The following FAM151B variants were observed in gnomAD, a reference collection of about 807,000 sequenced individuals.
FAM151B encodes the protein protein FAM151B.
Under a neutral mutation model 31.2 loss-of-function variants are expected in FAM151B, and 24 were observed. The ratio of observed to expected loss-of-function variants is 0.77; its 90% confidence interval spans 0.56 to 1.08. The LOEUF (loss-of-function observed/expected upper bound fraction) is 1.08. Ranked by LOEUF, FAM151B falls within the 50% of genes least tolerant of loss-of-function variation. The probability of loss-of-function intolerance (pLI) is 0.00; values close to 1 mark genes in which losing one functional copy is unlikely to be tolerated. For missense variants in FAM151B, 293 were observed against 328.6 expected, an observed-to-expected ratio of 0.89 and a Z score of 0.84; for synonymous variants, 105 against 111.4, an observed-to-expected ratio of 0.94 and a Z score of 0.36.
chr5:80,506,055 C>T, intron 2 of FAM151B: 1 of 986,178 alleles, frequency 1.0e-6, no homozygotes, highest in Non-Finnish European at 1.2e-6. Context: ...CACGCCCGGC[C>T]AAGAACTTTA....
rs1290141913 is a variant in FAM151B, at chr5:80,541,857, G to C, written c.*25G>C. 1 of 1,600,624 alleles carries C rather than the reference G, an allele frequency of 6.2e-7. No homozygotes were observed. The highest frequency in any genetic ancestry group is 1.1e-5 in the South Asian group (1 of 88,844). On this transcript the variant is annotated 3_prime_UTR_variant, in exon 6 of 6. Coordinates refer to ENST00000282226, the MANE Select transcript of FAM151B (RefSeq NM_205548.3). ...AGAAGAAGATTCTCAATTATTTCCT[G>C]TGTTTTGGTTTCATAATCCTTCTCT...
chr5:80,505,491 T>C (rs248997), intron 2 of FAM151B, among the ~76,000 whole-genome samples: 56,060 of 150,528 alleles, frequency 0.37, 11,108 homozygotes, highest in African/African-American at 0.52. Flanking sequence ...GCCTCCTGGG[T>C]TCACACCATT....
chr5:80,494,456 T>A (rs1416368729), intron 1 of FAM151B, among the ~76,000 whole-genome samples: 1 of 82,688 alleles, frequency 1.2e-5, no homozygotes, highest in African/African-American at 4.4e-5. Flanking sequence ...TCTTTCTTTC[T>A]TTTCTTTCTT....
At chr5:80,514,251 A>T (rs1422290954) in intron 3 of FAM151B, among the ~76,000 whole-genome samples, 1 of 151,914 alleles carries the variant, frequency 6.6e-6, no homozygotes, top group Non-Finnish European at 1.5e-5. Flanking sequence ...GAGGTGGGCG[A>T]ATCAACCGAG....
At chr5:80,527,341 T>G (rs968448292) in intron 5 of FAM151B, among the ~76,000 whole-genome samples, 1 of 152,062 alleles carries the variant, frequency 6.6e-6, no homozygotes, top group African/African-American at 2.4e-5. Context: ...GAGAATTGCT[T>G]GAACCTGGAA....
At chr5:80,531,891 A>G (rs1273771207) in intron 5 of FAM151B, among the ~76,000 whole-genome samples, 1 of 152,228 alleles carries the variant, frequency 6.6e-6, no homozygotes, top group African/African-American at 2.4e-5. Context: ...TACTGGGTAT[A>G]TACCCAAAGG....
At chr5:80,532,740 A>G (rs1222440614) in intron 5 of FAM151B, among the ~76,000 whole-genome samples, 1 of 152,216 alleles carries the variant, frequency 6.6e-6, no homozygotes, top group African/African-American at 2.4e-5. Flanking sequence ...AGGGTAGACC[A>G]TATATTAGAT....
chr5:80,535,562 G>A lies in FAM151B; in HGVS notation c.672-6111G>A, dbSNP rs184029949. 5.3e-5 allele frequency among the ~76,000 whole-genome samples: 8 copies of A among 152,246 alleles called. No homozygotes were observed. The East Asian group carries it at 1.3e-3, about 26-fold the overall frequency. ...TATGCAGAAGAATGAAATTAGACCCGTCTCTTACTGTATACCAAAATGAAA... is the reference window on the plus strand; with the variant it reads ...TATGCAGAAGAATGAAATTAGACCCATCTCTTACTGTATACCAAAATGAAA... On this transcript the variant is annotated intron_variant, in intron 5 of 5. Transcript: ENST00000282226.
intron 1 of FAM151B, among the ~76,000 whole-genome samples, chr5:80,491,665 A>G (rs138288322): frequency 2.6e-5 from 4 of 152,084 alleles, no homozygotes; most frequent in East Asian, 1.9e-4. Flanking sequence ...GGTAACCACT[A>G]TTCTGCTTTC....
chr5:80,507,578 G>A lies in FAM151B; in HGVS notation c.151+5661G>A, dbSNP rs577271640. 7.9e-5 allele frequency among the ~76,000 whole-genome samples: 12 copies of A among 152,262 alleles called. 1 individual carries two copies. The East Asian group carries it at 9.7e-4, about 12-fold the overall frequency. On this transcript the variant is annotated intron_variant, in intron 2 of 5. Coordinates refer to ENST00000282226, the MANE Select transcript of FAM151B (RefSeq NM_205548.3). ...TGCCTGTAATCCCAGCTACTTGGGA[G>A]GCTCAGGCAGGAGAATTGCTTGAAC...
intron 1 of FAM151B, among the ~76,000 whole-genome samples, chr5:80,490,595 G>T (rs1203425349): frequency 3.9e-5 from 6 of 151,998 alleles, no homozygotes; most frequent in Middle Eastern, 3.2e-3. Flanking sequence ...ATCCACAACT[G>T]CTATTCTTCT....
Position 80,522,110 on chromosome 5 carries a change from T to C in FAM151B, c.643T>C (p.Leu215=). 5 of 1,612,936 alleles carry C rather than the reference T, an allele frequency of 3.1e-6. No individual in the cohort carries two copies. The highest frequency in any genetic ancestry group is 4.2e-6 in the Non-Finnish European group (5 of 1,179,096). ...ATTAGTCAGGCAGTCTTGTTCTCAG[T>C]TACTTTGGCTGTTAAAGAAATCAAA... The part of the protein sequence containing the change: ...AALVRQSCSQ[L]LWLLKKSNRY... Residue 215 remains leucine, a synonymous_variant, in exon 5 of 6, where the codon TTA becomes CTA. Coordinates refer to ENST00000282226, the MANE Select transcript of FAM151B (RefSeq NM_205548.3).
chr5:80,532,642 G>A (rs1745295666), intron 5 of FAM151B, among the ~76,000 whole-genome samples: 1 of 152,124 alleles, frequency 6.6e-6, no homozygotes, highest in Admixed American at 6.6e-5. Context: ...GCACTATAGA[G>A]CAAATGCATC....
At chr5:80,489,911 G>C (rs1743248499) in intron 1 of FAM151B, among the ~76,000 whole-genome samples, 1 of 151,754 alleles carries the variant, frequency 6.6e-6, no homozygotes, top group Non-Finnish European at 1.5e-5. Flanking sequence ...GCAACAGAGA[G>C]AAACTGTCTC....
intron 2 of FAM151B, among the ~76,000 whole-genome samples, chr5:80,502,597 G>A (rs1030365356): frequency 3.3e-5 from 5 of 152,162 alleles, no homozygotes; most frequent in Non-Finnish European, 5.9e-5. Flanking sequence ...CATTATAGCA[G>A]TGTTTCTCAG....
chr5:80,513,514 A>G (rs980543434), intron 2 of FAM151B, 90 bp from the exon 3 acceptor site: 8 of 1,261,972 alleles, frequency 6.3e-6, no homozygotes, highest in Non-Finnish European at 8.7e-6. Flanking sequence ...CTTTTTTTTT[A>G]TCTTCCTCAA....
chr5:80,489,997 G>A (rs902830899), intron 1 of FAM151B, among the ~76,000 whole-genome samples: 2 of 140,164 alleles, frequency 1.4e-5, no homozygotes, highest in African/African-American at 5.4e-5. Context: ...AGATTCTTCC[G>A]TTATATGTCA....
intron 5 of FAM151B, among the ~76,000 whole-genome samples, chr5:80,538,574 C>CCTTCCT (rs1745711643): frequency 9.2e-6 from 1 of 108,556 alleles, no homozygotes; most frequent in Non-Finnish European, 1.9e-5. Flanking sequence ...CCTTCCTTCC[C>CCTTCCT]TCCCTTCCTT....
chr5:80,511,819 T>C (rs1402377568), intron 2 of FAM151B, among the ~76,000 whole-genome samples: 1 of 152,036 alleles, frequency 6.6e-6, no homozygotes. Context: ...GTTGGCCAGG[T>C]TGGTCTCAAA....
Sources: gnomAD v4.1 joint callset for allele counts (sites outside exome capture counted in the v4.1 genomes callset) on GRCh38, gnomAD v4.1.1 for gene constraint, MANE v1.5 for transcripts, NCBI Gene and HGNC (gene_info 2026-07-23, HGNC 2026-07-21) for gene names.